Variants in HCK observed in about 807,000 individuals in gnomAD.
The protein encoded by HCK is HCK proto-oncogene, Src family tyrosine kinase.
A neutral mutation model predicts 70.4 loss-of-function variants in HCK; 40 were observed. The observed-to-expected ratio is 0.57, with a 90% confidence interval of 0.44 to 0.74. The LOEUF is 0.74. HCK is among the 30% of genes least tolerant of loss of function. The probability of loss-of-function intolerance (pLI) is 0.00; values close to 1 mark genes in which losing one functional copy is unlikely to be tolerated. For missense variants in HCK, 568 were observed against 697.2 expected (o/e 0.81, Z 2.09); for synonymous variants, 245 against 263.2 (o/e 0.93, Z 0.67).
At chr20:32,058,839 G>C (rs2045317888) in intron 1 of HCK, among the ~76,000 whole-genome samples, 1 of 152,204 alleles carries the variant, frequency 6.6e-6, no homozygotes, top group African/African-American at 2.4e-5. Context: ...GGCACCTGGA[G>C]CTCAATCCCA....
intron 1 of HCK, among the ~76,000 whole-genome samples, chr20:32,055,648 G>T (rs531777278): frequency 9.9e-5 from 15 of 152,188 alleles, no homozygotes; most frequent in Non-Finnish European, 1.6e-4. Context: ...AAAATTTTTA[G>T]AAATATTTTA....
chr20:32,077,013 G>A (rs1248471420), intron 5 of HCK, among the ~76,000 whole-genome samples: 1 of 152,126 alleles, frequency 6.6e-6, no homozygotes, highest in Non-Finnish European at 1.5e-5. Flanking sequence ...TGATCTGGGA[G>A]GCAGAGGTTG....
intron 1 of HCK, chr20:32,054,302 G>A (rs1044672811): frequency 1.8e-5 from 8 of 455,632 alleles, no homozygotes; most frequent in African/African-American, 1.4e-4. Flanking sequence ...ACAACACGTA[G>A]GATTGTTTTG....
In HCK at chr20:32,058,900, C is replaced by T. The variant is rs144591702; in HGVS notation, c.62+6414C>T. On this transcript the variant is annotated intron_variant, in intron 1 of 12. Transcript: ENST00000375852. ...GAACAGGCTTGAGAGGTGAGGGAACCGGGGTATTTGTCCACCCTGTTCTCG... is the reference window on the plus strand; with the variant it reads ...GAACAGGCTTGAGAGGTGAGGGAACTGGGGTATTTGTCCACCCTGTTCTCG... 2.6e-4 allele frequency among the ~76,000 whole-genome samples: 40 copies of T among 152,248 alleles called. 1 individual carries two copies. Among genetic ancestry groups the T allele is most frequent in the Non-Finnish European group, 2.6e-4 (18 of 68,012 alleles).
chr20:32,090,903 C>A (rs961791740), intron 10 of HCK, among the ~76,000 whole-genome samples: 6 of 152,208 alleles, frequency 3.9e-5, no homozygotes, highest in African/African-American at 1.4e-4. Context: ...GTGCCACTTT[C>A]CCCCACTGGG....
At chr20:32,064,075 C>T (rs2045421394) in intron 1 of HCK, among the ~76,000 whole-genome samples, 1 of 139,598 alleles carries the variant, frequency 7.2e-6, no homozygotes, top group Non-Finnish European at 1.5e-5. Flanking sequence ...GCAATCTCGG[C>T]TCACTGCAAC....
chr20:32,061,071 C>A (rs2045363334), intron 1 of HCK, among the ~76,000 whole-genome samples: 1 of 152,110 alleles, frequency 6.6e-6, no homozygotes, highest in Non-Finnish European at 1.5e-5. Flanking sequence ...GCAACCTCCG[C>A]CTCCCGGGTT....
intron 1 of HCK, among the ~76,000 whole-genome samples, chr20:32,054,464 G>A (rs1483401493): frequency 2.6e-5 from 2 of 76,186 alleles, no homozygotes; most frequent in African/African-American, 5.3e-5. Flanking sequence ...CAACAAAAGC[G>A]AAACTCCACC....
chr20:32,094,825 GAAA>G (rs1569010988), intron 11 of HCK, among the ~76,000 whole-genome samples: 3 of 141,954 alleles, frequency 2.1e-5, no homozygotes, highest in African/African-American at 7.7e-5. Context: ...AAGAAAGAAA[GAAA>G]GAAAGAAAGA....
intron 1 of HCK, among the ~76,000 whole-genome samples, chr20:32,054,600 A>G (rs1222189001): frequency 2.0e-5 from 3 of 148,354 alleles, no homozygotes; most frequent in Non-Finnish European, 4.4e-5. Context: ...AGGTCAGGAG[A>G]TCGAGACCAT....
intron 1 of HCK, 143 bp from the exon 2 acceptor site, chr20:32,071,519 G>A (rs1320666330): frequency 1.0e-6 from 1 of 975,300 alleles, no homozygotes; most frequent in African/African-American, 1.6e-5. Context: ...GGATAAGGGT[G>A]CATGGAGCTG....
At chr20:32,054,894 C>T (rs2045246181) in intron 1 of HCK, among the ~76,000 whole-genome samples, 1 of 152,178 alleles carries the variant, frequency 6.6e-6, no homozygotes, top group Admixed American at 6.5e-5. Context: ...TTTGCCCCAT[C>T]TTATCATTAA....
rs375765839 is a variant in HCK at position 32,058,401 on chromosome 20, G to A, written c.62+5915G>A. ...GCAAAAATTAGCCGGGCGTGGTGGCGGGCGCCTGTAATTTCAGCTACTTGG... is the reference window on the plus strand; with the variant it reads ...GCAAAAATTAGCCGGGCGTGGTGGCAGGCGCCTGTAATTTCAGCTACTTGG... On this transcript the variant is annotated intron_variant, in intron 1 of 12. Transcript: ENST00000375852. Among the ~76,000 whole-genome samples the A allele has an allele frequency of 2.7e-3, 404 of 151,942 alleles. 5 individuals are homozygous for A. Among genetic ancestry groups the A allele is most frequent in the Non-Finnish European group, 8.1e-4 (55 of 67,948 alleles).
At chr20:32,086,240 C>A (rs372243836) in intron 8 of HCK, among the ~76,000 whole-genome samples, 6 of 152,306 alleles carry the variant, frequency 3.9e-5, no homozygotes, top group South Asian at 2.1e-4. Context: ...AGGATGGTCT[C>A]GATCTCCTGA....
At chr20:32,076,470 C>G (rs2045627843) in intron 5 of HCK, among the ~76,000 whole-genome samples, 1 of 152,180 alleles carries the variant, frequency 6.6e-6, no homozygotes, top group African/African-American at 2.4e-5. Flanking sequence ...TACAGAATCC[C>G]TGGGTCACCT....
At chr20:32,057,336 C>A (rs2045287939) in intron 1 of HCK, among the ~76,000 whole-genome samples, 1 of 152,196 alleles carries the variant, frequency 6.6e-6, no homozygotes, top group Non-Finnish European at 1.5e-5. Context: ...TGCGGTGGCT[C>A]ACCCTGTAAT....
chr20:32,067,862 A>C (rs1345369257), intron 1 of HCK, among the ~76,000 whole-genome samples: 3 of 152,186 alleles, frequency 2.0e-5, no homozygotes, highest in Admixed American at 1.3e-4. Context: ...GTACAAAAAA[A>C]AATGTAAAGT....
chr20:32,083,771 C>A (rs889594688), intron 6 of HCK, 123 bp from the exon 7 acceptor site: 2 of 1,145,770 alleles, frequency 1.7e-6, no homozygotes, highest in Admixed American at 1.9e-5. Flanking sequence ...CTCAGACCCT[C>A]GGGCACTTCT....
chr20:32,093,074 A>G (rs927952540), intron 10 of HCK, among the ~76,000 whole-genome samples: 1 of 152,154 alleles, frequency 6.6e-6, no homozygotes, highest in African/African-American at 2.4e-5. Context: ...CCTCCTGAGC[A>G]GATGGGATTA....
Sources: gnomAD v4.1 joint callset for allele counts (sites outside exome capture counted in the v4.1 genomes callset) on GRCh38, gnomAD v4.1.1 for gene constraint, MANE v1.5 for transcripts, NCBI Gene and HGNC (gene_info 2026-07-23, HGNC 2026-07-21) for gene names.